MAF: variants seen among roughly 807,000 people sequenced by gnomAD.
The protein encoded by MAF is MAF bZIP transcription factor, also known as transcription factor Maf.
Under a neutral mutation model 22.0 loss-of-function variants are expected in MAF, and 10 were observed. That is an observed-to-expected ratio of 0.45 (90% CI 0.28 to 0.77). The LOEUF is 0.77. Ranked by LOEUF, MAF falls within the 30% of genes least tolerant of loss-of-function variation. MAF has a pLI of 0.12. For synonymous variants in MAF, 337 were observed against 255.8 expected, an observed-to-expected ratio of 1.32 and a Z score of -3.03; for missense variants, 544 against 548.4, an observed-to-expected ratio of 0.99 and a Z score of 0.08.
chr16:79,561,909 G>A, the MAF span, among the ~76,000 whole-genome samples: 1 of 152,110 alleles, frequency 6.6e-6, no homozygotes, highest in Non-Finnish European at 1.5e-5. Context: ...CTGAAGTATT[G>A]CAGGGCACTC....
At chr16:79,463,777 T>G in the MAF span, among the ~76,000 whole-genome samples, 14 of 152,150 alleles carry the variant, frequency 9.2e-5, no homozygotes, top group Non-Finnish European at 1.9e-4. Context: ...TAAAAAAACA[T>G]GCATCGACTT....
At chr16:79,472,226 T>C in the MAF span, among the ~76,000 whole-genome samples, 620 of 152,236 alleles carry the variant, frequency 4.1e-3, 10 homozygotes, top group African/African-American at 0.014. Context: ...CAGGGCTAAA[T>C]TGACAAAATG....
chr16:79,583,852 G>A (rs892848733), downstream of MAF, among the ~76,000 whole-genome samples: 6 of 152,168 alleles, frequency 3.9e-5, no homozygotes, highest in African/African-American at 1.4e-4. Context: ...TCGGGTGAAA[G>A]GCATACAAGG....
chr16:79,590,984 G>T (rs1451674522), downstream of MAF, among the ~76,000 whole-genome samples: 1 of 152,080 alleles, frequency 6.6e-6, no homozygotes, highest in Non-Finnish European at 1.5e-5. Flanking sequence ...ACTATAGGTT[G>T]CAAAAAGGGA....
chr16:79,303,583 T>A, the MAF span, among the ~76,000 whole-genome samples: 2 of 152,224 alleles, frequency 1.3e-5, no homozygotes, highest in Non-Finnish European at 2.9e-5. Flanking sequence ...CAAAGGCTGT[T>A]GGCCAAACCC....
chr16:79,543,716 TCG>T, the MAF span, among the ~76,000 whole-genome samples: 1 of 149,280 alleles, frequency 6.7e-6, no homozygotes, highest in African/African-American at 2.5e-5. Flanking sequence ...AGACGGAGTC[TCG>T]CTCTGTCGCC....
At chr16:79,458,009 G>T in the MAF span, among the ~76,000 whole-genome samples, 1 of 151,690 alleles carries the variant, frequency 6.6e-6, no homozygotes, top group Non-Finnish European at 1.5e-5. Context: ...CTGCTCATTA[G>T]AGATATTTTT....
chr16:79,210,718 T>TTAC, the MAF span, among the ~76,000 whole-genome samples: 10 of 151,476 alleles, frequency 6.6e-5, no homozygotes, highest in African/African-American at 2.5e-4. Flanking sequence ...TTTTTAATTA[T>TTAC]GGCTTGCAAA....
At chr16:79,232,708 A>G in the MAF span, among the ~76,000 whole-genome samples, 1 of 151,962 alleles carries the variant, frequency 6.6e-6, no homozygotes, top group Non-Finnish European at 1.5e-5. Context: ...ATGCCCTATG[A>G]TCTGTGCAGC....
the MAF span, among the ~76,000 whole-genome samples, chr16:79,363,300 G>C: frequency 6.6e-6 from 1 of 152,102 alleles, no homozygotes; most frequent in Non-Finnish European, 1.5e-5. Flanking sequence ...GTTATGTCCT[G>C]ATAAACCCAA....
chr16:79,275,857 C>T, the MAF span, among the ~76,000 whole-genome samples: 1 of 151,998 alleles, frequency 6.6e-6, no homozygotes, highest in Non-Finnish European at 1.5e-5. Context: ...TTGAAACAGG[C>T]CAGGCAGGGT....
At chr16:79,446,314 G>A in the MAF span, among the ~76,000 whole-genome samples, 7 of 152,134 alleles carry the variant, frequency 4.6e-5, no homozygotes, top group East Asian at 1.9e-4. Context: ...TTGAACAGTC[G>A]CTTGTCCTCT....
the MAF span, among the ~76,000 whole-genome samples, chr16:79,537,029 G>A: frequency 6.6e-6 from 1 of 152,194 alleles, no homozygotes; most frequent in African/African-American, 2.4e-5. Flanking sequence ...CATCTGTACA[G>A]TGTGTTTGTG....
chr16:79,354,565 G>C, the MAF span, among the ~76,000 whole-genome samples: 3 of 152,160 alleles, frequency 2.0e-5, no homozygotes, highest in Non-Finnish European at 2.9e-5. Flanking sequence ...AGTAGAGAAG[G>C]TGTAACTGGC....
rs1466698827 is a variant in MAF at position 79,594,109 on chromosome 16, T to G, written c.*351A>C. ...GAATGTGCATGCCTATATATGATTT[T>G]AAAATGCTAATTGTTGCATTCCGGG... On this transcript the variant is annotated 3_prime_UTR_variant, in exon 2 of 2. Transcript: ENST00000326043. 11 of 308,812 alleles carry G rather than the reference T, an allele frequency of 3.6e-5. No individual in the cohort carries two copies. Among genetic ancestry groups the G allele is most frequent in the Non-Finnish European group, 6.8e-5 (11 of 162,948 alleles). The allele number at this position is 308,812 out of a possible 1,614,324, so 19.1% of individuals were successfully genotyped here.
chr16:79,232,171 T>C, the MAF span, among the ~76,000 whole-genome samples: 1 of 152,064 alleles, frequency 6.6e-6, no homozygotes, highest in African/African-American at 2.4e-5. Flanking sequence ...GGCCATGGAT[T>C]GGTACCAATC....
chr16:79,599,195 G>GCCGCCT lies in MAF; in HGVS notation c.702_707dup (p.Gly237_Gly238dup), dbSNP rs1913810067. 6 of 972,194 alleles carry GCCGCCT rather than the reference G, an allele frequency of 6.2e-6. 1 individual carries two copies. In the African/African-American group the frequency reaches 7.2e-5, roughly 12 times the overall value. 60.2% of individuals were successfully genotyped at this position (972,194 alleles called of 1,614,324 possible). A position where few individuals can be genotyped will look rare whatever the true frequency, so the allele number is the denominator to read the frequency against. On this transcript the variant is annotated inframe_insertion, in exon 1 of 2. Transcript: ENST00000326043. ...CGCCCCCCGCCCCCGCCGCGCCCCC[G>GCCGCCT]CCGCCTCCGCCGCCGCCGCCGCCGC...
At chr16:79,500,372 G>C in the MAF span, among the ~76,000 whole-genome samples, 2 of 152,198 alleles carry the variant, frequency 1.3e-5, no homozygotes, top group African/African-American at 4.8e-5. Flanking sequence ...TTTGGGGTTA[G>C]GCAAACCTCT....
chr16:79,371,486 A>ACTAACTAGGCCCTCTTGACCCGT, the MAF span, among the ~76,000 whole-genome samples: 1 of 152,112 alleles, frequency 6.6e-6, no homozygotes, highest in Non-Finnish European at 1.5e-5. Context: ...TTCTCGAATG[A>ACTAACTAGGCCCTCTTGACCCGT]CTAACTAGGC....
Sources: gnomAD v4.1 joint callset for allele counts (sites outside exome capture counted in the v4.1 genomes callset) on GRCh38, gnomAD v4.1.1 for gene constraint, MANE v1.5 for transcripts, NCBI Gene and HGNC (gene_info 2026-07-23, HGNC 2026-07-21) for gene names.